The following SGCZ variants were observed in gnomAD, a reference collection of about 807,000 sequenced individuals.
SGCZ encodes sarcoglycan zeta.
In SGCZ, 40 loss-of-function variants were observed where a neutral mutation model predicts 41.3. The observed-to-expected ratio is 0.97, with a 90% CI of 0.75 to 1.26. The LOEUF (loss-of-function observed/expected upper bound fraction) is 1.26. SGCZ is among the 50% of genes most tolerant of loss of function. The pLI is 0.00. For synonymous variants in SGCZ, 206 were observed against 137.5 expected (o/e 1.50, Z -3.49); for missense variants, 552 against 369.8 (o/e 1.49, Z -4.04).
intron 2 of SGCZ, among the ~76,000 whole-genome samples, chr8:14,325,852 T>G (rs1292398806): frequency 1.4e-5 from 2 of 144,932 alleles, no homozygotes; most frequent in Non-Finnish European, 3.0e-5. Flanking sequence ...GGCTCATGCC[T>G]GTAAAATCCC....
At chr8:14,982,314 G>A (rs140328259) in intron 1 of SGCZ, among the ~76,000 whole-genome samples, 1 of 152,200 alleles carries the variant, frequency 6.6e-6, no homozygotes, top group Non-Finnish European at 1.5e-5. Flanking sequence ...GGAGTTCAAA[G>A]ATAGGCCAAG....
intron 1 of SGCZ, among the ~76,000 whole-genome samples, chr8:14,635,319 T>C (rs1194222079): frequency 6.6e-6 from 1 of 151,904 alleles, no homozygotes; most frequent in East Asian, 1.9e-4. Flanking sequence ...GAGAAATATA[T>C]CCAACTGTAC....
chr8:15,222,512 T>C (rs1484452906), intron 1 of SGCZ, among the ~76,000 whole-genome samples: 2 of 152,228 alleles, frequency 1.3e-5, no homozygotes, highest in African/African-American at 2.4e-5. Flanking sequence ...TGCTTACATA[T>C]TAATGCTTAC....
chr8:14,501,149 G>T (rs1802141383), intron 2 of SGCZ, among the ~76,000 whole-genome samples: 1 of 151,794 alleles, frequency 6.6e-6, no homozygotes, highest in Non-Finnish European at 1.5e-5. Context: ...TGCCCCTGTG[G>T]GATCATGGCC....
chr8:15,028,598 G>C (rs1451884691), intron 1 of SGCZ, among the ~76,000 whole-genome samples: 2 of 152,110 alleles, frequency 1.3e-5, no homozygotes, highest in Non-Finnish European at 2.9e-5. Flanking sequence ...AGATAAACTT[G>C]CTGGTTGCTT....
At chr8:15,141,887 G>A (rs1056068860) in intron 1 of SGCZ, among the ~76,000 whole-genome samples, 2 of 119,808 alleles carry the variant, frequency 1.7e-5, no homozygotes, top group East Asian at 5.1e-4. Flanking sequence ...GCAACAGTGT[G>A]AGACTCTCAA....
intron 1 of SGCZ, among the ~76,000 whole-genome samples, chr8:15,185,766 A>T (rs1800314077): frequency 1.3e-5 from 2 of 152,180 alleles, no homozygotes; most frequent in Admixed American, 6.5e-5. Flanking sequence ...AAGATGAAGT[A>T]ATCTAAAGCC....
intron 1 of SGCZ, among the ~76,000 whole-genome samples, chr8:14,896,949 T>C (rs1457574407): frequency 2.6e-5 from 4 of 151,694 alleles, no homozygotes; most frequent in East Asian, 1.9e-4. Context: ...GCCCAACTAA[T>C]TTTTTTGGTA....
At chr8:14,318,990 A>T (rs953461139) in intron 3 of SGCZ, among the ~76,000 whole-genome samples, 7 of 151,938 alleles carry the variant, frequency 4.6e-5, no homozygotes, top group African/African-American at 1.7e-4. Context: ...ATTTGAAAAA[A>T]AATAAATGAA....
intron 4 of SGCZ, among the ~76,000 whole-genome samples, chr8:14,189,845 C>G (rs1349463052): frequency 6.6e-6 from 1 of 152,142 alleles, no homozygotes; most frequent in Admixed American, 6.5e-5. Context: ...ATCTGTCTTG[C>G]TCATCTCTGC....
chr8:14,918,414 T>C (rs1799500834), intron 1 of SGCZ, among the ~76,000 whole-genome samples: 2 of 152,158 alleles, frequency 1.3e-5, no homozygotes, highest in Non-Finnish European at 2.9e-5. Context: ...TCTCATAATA[T>C]TGTTTTTAAA....
chr8:14,358,538 T>C (rs1039178561), intron 2 of SGCZ, among the ~76,000 whole-genome samples: 1 of 152,142 alleles, frequency 6.6e-6, no homozygotes, highest in South Asian at 2.1e-4. Flanking sequence ...TTATTAAAAC[T>C]AAAGATTTAA....
chr8:14,890,310 GA>G (rs761420483), intron 1 of SGCZ, among the ~76,000 whole-genome samples: 1 of 151,992 alleles, frequency 6.6e-6, no homozygotes, highest in Non-Finnish European at 1.5e-5. Context: ...CGAAAGAAAA[GA>G]AAAAGTTCTT....
chr8:15,089,838 T>C (rs1267236590), intron 1 of SGCZ, among the ~76,000 whole-genome samples: 1 of 152,206 alleles, frequency 6.6e-6, no homozygotes, highest in East Asian at 1.9e-4. Flanking sequence ...TAGAGTGATG[T>C]GGTCTTAACT....
intron 3 of SGCZ, among the ~76,000 whole-genome samples, chr8:14,284,447 T>C (rs7004364): frequency 0.51 from 77,779 of 152,124 alleles, 20,364 homozygotes; most frequent in African/African-American, 0.56. Flanking sequence ...TACTAATCTA[T>C]ATTTGGTGGA....
intron 1 of SGCZ, among the ~76,000 whole-genome samples, chr8:14,627,601 A>C (rs1204536018): frequency 1.3e-5 from 2 of 152,164 alleles, no homozygotes; most frequent in East Asian, 3.8e-4. Flanking sequence ...TTTTAGCAAT[A>C]TATGGTTATT....
chr8:14,847,126 A>AAAGAAGAAGAAG (rs61002020), intron 1 of SGCZ, among the ~76,000 whole-genome samples: 6,021 of 126,284 alleles, frequency 0.048, 195 homozygotes, highest in East Asian at 0.093. Context: ...GAAGAAGAAG[A>AAAGAAGAAGAAG]AAGAAGAAGA....
At chr8:14,166,240 C>G (rs1324928790) in intron 4 of SGCZ, among the ~76,000 whole-genome samples, 2 of 151,928 alleles carry the variant, frequency 1.3e-5, no homozygotes, top group Non-Finnish European at 2.9e-5. Flanking sequence ...AAATAAATAC[C>G]TTTCCTTATA....
At chr8:14,733,162 G>A (rs867870373) in intron 1 of SGCZ, among the ~76,000 whole-genome samples, 1 of 152,054 alleles carries the variant, frequency 6.6e-6, no homozygotes, top group Non-Finnish European at 1.5e-5. Flanking sequence ...CTGACACTTT[G>A]AGCCACTGCC....
Sources: allele counts gnomAD v4.1 joint callset (sites outside exome capture counted in the v4.1 genomes callset), GRCh38; gene constraint gnomAD v4.1.1; transcripts MANE v1.5; gene names NCBI Gene and HGNC (gene_info 2026-07-23, HGNC 2026-07-21).